Variants in RBFOX1 observed in about 807,000 individuals in gnomAD.
RBFOX1 encodes the protein RNA binding fox-1 homolog 1, also known as RNA binding protein fox-1 homolog 1.
Under a neutral mutation model 57.7 loss-of-function variants are expected in RBFOX1, and 8 were observed. The ratio of observed to expected loss-of-function variants is 0.14; its 90% CI spans 0.08 to 0.25. The LOEUF (loss-of-function observed/expected upper bound fraction) is 0.25. Ranked by LOEUF, RBFOX1 falls within the 10% of genes least tolerant of loss-of-function variation. The pLI is 1.00. For missense variants in RBFOX1, 611 were observed against 548.5 expected (o/e 1.11, Z -1.14); for synonymous variants, 326 against 222.4 (o/e 1.47, Z -4.15).
At chr16:7,703,546 G>C (rs185977194) in intron 14 of RBFOX1, among the ~76,000 whole-genome samples, 116 of 152,280 alleles carry the variant, frequency 7.6e-4, no homozygotes, top group African/African-American at 2.6e-3. Flanking sequence ...GTAAAATATA[G>C]TGAAATTAAT....
chr16:6,554,376 C>T (rs1216203582), intron 2 of RBFOX1, among the ~76,000 whole-genome samples: 2 of 152,048 alleles, frequency 1.3e-5, no homozygotes, highest in African/African-American at 4.8e-5. Flanking sequence ...TTAGTAATTG[C>T]CTAGGGATGG....
intron 14 of RBFOX1, among the ~76,000 whole-genome samples, chr16:7,698,846 G>T (rs1192230332): frequency 1.3e-5 from 2 of 152,182 alleles, no homozygotes; most frequent in African/African-American, 4.8e-5. Context: ...ATAGTCTCAG[G>T]CTTGCTGCAT....
chr16:5,862,247 C>T (rs560926472), intron 3 of RBFOX1, among the ~76,000 whole-genome samples: 6 of 152,290 alleles, frequency 3.9e-5, no homozygotes, highest in South Asian at 4.1e-4. Flanking sequence ...CACGGATCCT[C>T]GTGTTTACCT....
At chr16:7,197,888 A>T (rs2087153044) in intron 4 of RBFOX1, among the ~76,000 whole-genome samples, 1 of 152,070 alleles carries the variant, frequency 6.6e-6, no homozygotes, top group Non-Finnish European at 1.5e-5. Flanking sequence ...AGAAAACAGA[A>T]TGGGGGTTGC....
intron 9 of RBFOX1, 28 bp downstream of exon 9, chr16:7,597,459 A>G (rs199816001): frequency 9.0e-5 from 139 of 1,536,716 alleles, no homozygotes; most frequent in Middle Eastern, 1.7e-4. Context: ...TTTTACAAGA[A>G]ATTCTCTCTA....
chr16:5,406,018 C>T (rs1196165878), intron 1 of RBFOX1, among the ~76,000 whole-genome samples: 1 of 152,136 alleles, frequency 6.6e-6, no homozygotes, highest in Non-Finnish European at 1.5e-5. Flanking sequence ...AATAATGAGC[C>T]ACTGTTAGTT....
intron 4 of RBFOX1, among the ~76,000 whole-genome samples, chr16:5,914,578 A>ATG (rs1164901215): frequency 6.6e-6 from 1 of 152,026 alleles, no homozygotes; most frequent in Non-Finnish European, 1.5e-5. Context: ...GCAGCTGGTG[A>ATG]TGAGAGAGAG....
At chr16:5,347,701 C>T (rs1430760730) in intron 1 of RBFOX1, among the ~76,000 whole-genome samples, 1 of 150,442 alleles carries the variant, frequency 6.6e-6, no homozygotes, top group African/African-American at 2.5e-5. Flanking sequence ...CCTACCCTTC[C>T]ACCCACCCAT....
At chr16:6,701,875 A>G (rs1403367087) in intron 3 of RBFOX1, among the ~76,000 whole-genome samples, 4 of 152,258 alleles carry the variant, frequency 2.6e-5, no homozygotes, top group African/African-American at 4.8e-5. Flanking sequence ...CTGTGTTCTC[A>G]CTTATAAATG....
intron 3 of RBFOX1, among the ~76,000 whole-genome samples, chr16:5,747,568 C>T (rs547797034): frequency 2.6e-5 from 4 of 152,104 alleles, no homozygotes; most frequent in South Asian, 4.2e-4. Flanking sequence ...GCCTGTGATT[C>T]GTCTGTTCAG....
intron 3 of RBFOX1, among the ~76,000 whole-genome samples, chr16:6,982,857 G>A (rs776571049): frequency 6.6e-6 from 1 of 152,006 alleles, no homozygotes; most frequent in Admixed American, 6.6e-5. Context: ...GCTGGGCATG[G>A]TGGCGGATGC....
chr16:7,002,658 G>C (rs2092930334), intron 3 of RBFOX1, among the ~76,000 whole-genome samples: 1 of 152,200 alleles, frequency 6.6e-6, no homozygotes, highest in Admixed American at 6.5e-5. Context: ...GTTGCAGGGA[G>C]CCGAGATTGC....
chr16:5,998,818 C>T (rs990182822), intron 4 of RBFOX1, among the ~76,000 whole-genome samples: 5 of 152,154 alleles, frequency 3.3e-5, no homozygotes, highest in Admixed American at 6.5e-5. Flanking sequence ...GATGTTACTA[C>T]GTATATAAAT....
chr16:6,511,465 A>G lies in RBFOX1; in HGVS notation c.-63-143138A>G, dbSNP rs954612130. On this transcript the variant is annotated intron_variant, in intron 2 of 15. Transcript: ENST00000550418. ...CTAGGCCCTGGACTGACATGGGAGA[A>G]TTTTAAAACATGCGCTTTTAGAATC... Among the ~76,000 whole-genome samples the G allele has an allele frequency of 7.2e-5, 11 of 152,294 alleles. No homozygotes were observed. The South Asian group carries it at 1.0e-3, about 14-fold the overall frequency.
rs143214814 is a variant in RBFOX1 at position 6,600,128 on chromosome 16, A to C, written c.-63-54475A>C. 1.5e-3 allele frequency among the ~76,000 whole-genome samples: 223 copies of C among 152,320 alleles called. 2 individuals carry two copies. Among genetic ancestry groups the C allele is most frequent in the African/African-American group, 5.1e-3 (213 of 41,574 alleles). ...GCTCATTTTTCTCACTTCCCTTACC[A>C]GACCCATCACCCAATTTAGTAGGAC... is the stretch of plus-strand genomic sequence containing the variant. On this transcript the variant is annotated intron_variant, in intron 2 of 15. Transcript: ENST00000550418.
chr16:5,591,016 A>ATT (rs79854783), intron 2 of RBFOX1, among the ~76,000 whole-genome samples: 16 of 141,082 alleles, frequency 1.1e-4, no homozygotes, highest in African/African-American at 2.6e-4. Context: ...TGAGCTAAAC[A>ATT]TTTTTTTTTT....
chr16:6,867,093 A>T (rs1299761714), intron 3 of RBFOX1, among the ~76,000 whole-genome samples: 1 of 152,148 alleles, frequency 6.6e-6, no homozygotes, highest in Non-Finnish European at 1.5e-5. Flanking sequence ...AACCAGCAAG[A>T]ACACTTCCAG....
At chr16:7,687,171 A>C (rs1471055590) in intron 14 of RBFOX1, among the ~76,000 whole-genome samples, 4 of 152,058 alleles carry the variant, frequency 2.6e-5, no homozygotes, top group Non-Finnish European at 4.4e-5. Context: ...ACAATTTGCC[A>C]CAGTGTATTG....
chr16:7,205,278 G>A (rs1207053957), intron 4 of RBFOX1, among the ~76,000 whole-genome samples: 1 of 152,106 alleles, frequency 6.6e-6, no homozygotes, highest in Non-Finnish European at 1.5e-5. Context: ...AGTGCTTAGG[G>A]AGGCTGAGGC....
Sources: allele counts gnomAD v4.1 joint callset (sites outside exome capture counted in the v4.1 genomes callset), GRCh38; gene constraint gnomAD v4.1.1; transcripts MANE v1.5; gene names NCBI Gene and HGNC (gene_info 2026-07-23, HGNC 2026-07-21).